The following AFAP1 variants were observed in gnomAD, a reference collection of about 807,000 sequenced individuals.
AFAP1 encodes actin filament-associated protein 1.
In AFAP1, 75 loss-of-function variants were observed where a neutral mutation model predicts 93.9. That is an observed-to-expected ratio of 0.80 (90% CI 0.66 to 0.97). The LOEUF (loss-of-function observed/expected upper bound fraction) is 0.97, where lower values mean the gene tolerates loss of function less well. Ranked by LOEUF, AFAP1 falls within the 50% of genes least tolerant of loss-of-function variation. The pLI is 0.00. For synonymous variants in AFAP1, 517 were observed against 430.7 expected, an observed-to-expected ratio of 1.20 and a Z score of -2.48; for missense variants, 1,201 against 1,050.8, an observed-to-expected ratio of 1.14 and a Z score of -1.98.
chr4:7,814,461 C>T (rs1384424229), intron 8 of AFAP1, among the ~76,000 whole-genome samples: 2 of 151,596 alleles, frequency 1.3e-5, no homozygotes, highest in African/African-American at 4.8e-5. Context: ...ACGCAAAAAC[C>T]TGTCTCTGAA....
intron 1 of AFAP1, among the ~76,000 whole-genome samples, chr4:7,884,445 A>T (rs1718029356): frequency 6.6e-6 from 1 of 152,254 alleles, no homozygotes; most frequent in African/African-American, 2.4e-5. Context: ...AAGAGAGAAT[A>T]GCCAGCCCTG....
Position 7,898,817 on chromosome 4 carries a change from G to GTGTGTA in AFAP1, c.-2-26738_-2-26737insTACACA, listed in dbSNP as rs1296666551. On this transcript the variant is annotated intron_variant, in intron 1 of 17. Coordinates refer to ENST00000420658, the MANE Select transcript of AFAP1 (RefSeq NM_001134647.2). ...TGTGCTGGGCAGTAGAAGTGTGTGTGTGTGTGTGTGTGTGTGTGTGTCTAT... is the reference window on the plus strand; with the variant it reads ...TGTGCTGGGCAGTAGAAGTGTGTGTGTGTGTATGTGTGTGTGTGTGTGTGTGTCTAT... Among the ~76,000 whole-genome samples the GTGTGTA allele has an allele frequency of 1.2e-4, 18 of 151,184 alleles. No homozygotes were observed. In the East Asian group the frequency reaches 3.5e-3, roughly 30 times the overall value.
At chr4:7,813,899 G>A (rs560706729) in intron 8 of AFAP1, among the ~76,000 whole-genome samples, 2 of 152,296 alleles carry the variant, frequency 1.3e-5, no homozygotes, top group African/African-American at 2.4e-5. Flanking sequence ...CACAGAGACA[G>A]GAAACACTTG....
intron 2 of AFAP1, among the ~76,000 whole-genome samples, chr4:7,870,704 C>G (rs757169349): frequency 2.4e-4 from 37 of 152,096 alleles, no homozygotes; most frequent in Non-Finnish European, 4.6e-4. Context: ...AATAGGGTCC[C>G]TATCCTGCTT....
chr4:7,827,192 GGAA>G (rs1483236095), intron 6 of AFAP1, among the ~76,000 whole-genome samples: 1 of 152,064 alleles, frequency 6.6e-6, no homozygotes, highest in Non-Finnish European at 1.5e-5. Context: ...GCTGAGGCAC[GGAA>G]GGAGTGAAGG....
At chr4:7,806,360 T>C (rs960345609) in intron 9 of AFAP1, among the ~76,000 whole-genome samples, 6 of 152,158 alleles carry the variant, frequency 3.9e-5, no homozygotes, top group Non-Finnish European at 8.8e-5. Context: ...TTCCCTCCCC[T>C]GCCCCCACAA....
chr4:7,913,097 A>G (rs1719859344), intron 1 of AFAP1, among the ~76,000 whole-genome samples: 1 of 152,080 alleles, frequency 6.6e-6, no homozygotes, highest in Non-Finnish European at 1.5e-5. Flanking sequence ...TCATCATCCC[A>G]CTTATATGGG....
At chr4:7,910,658 G>C (rs1200362536) in intron 1 of AFAP1, among the ~76,000 whole-genome samples, 1 of 152,184 alleles carries the variant, frequency 6.6e-6, no homozygotes, top group Admixed American at 6.5e-5. Context: ...CCGTTCACCC[G>C]TGCCACGAGC....
chr4:7,812,768 G>A lies in AFAP1; in HGVS notation c.905-3005C>T, dbSNP rs575395534. On this transcript the variant is annotated intron_variant, in intron 8 of 17. Coordinates refer to ENST00000420658, the MANE Select transcript of AFAP1 (RefSeq NM_001134647.2). ...CCCAGAGAGTTTCCCAGTAACCGAC[G>A]GAAACGGGAATTCAGGTGCTTTTTA... is the stretch of plus-strand genomic sequence containing the variant. Among the ~76,000 whole-genome samples the A allele has an allele frequency of 9.5e-4, 144 of 152,306 alleles. 1 individual carries two copies. Among genetic ancestry groups the A allele is most frequent in the African/African-American group, 3.2e-3 (135 of 41,574 alleles).
intron 1 of AFAP1, among the ~76,000 whole-genome samples, chr4:7,896,527 G>C (rs1718778071): frequency 6.6e-6 from 1 of 150,938 alleles, no homozygotes; most frequent in African/African-American, 2.4e-5. Context: ...TCAAGGCTCA[G>C]TCCTCACTCC....
At chr4:7,868,779 T>C in intron 2 of AFAP1, 60 bp from the exon 3 acceptor site, 2 of 1,398,032 alleles carry the variant, frequency 1.4e-6, no homozygotes, top group South Asian at 1.2e-5. Context: ...AGGGTACCAC[T>C]AGCATCTATC....
chr4:7,825,150 T>C (rs1055072562), intron 6 of AFAP1, among the ~76,000 whole-genome samples: 1 of 152,232 alleles, frequency 6.6e-6, no homozygotes, highest in Non-Finnish European at 1.5e-5. Context: ...TCTACCCCTT[T>C]GAAAATTCTG....
At position 7,793,811 on chromosome 4, in the gene AFAP1, C is replaced by T; in HGVS notation, c.1282G>A (p.Asp428Asn). The change falls in exon 11 of 18, where the codon GAC (aspartate) becomes AAC (asparagine). Residue 428 changes from aspartate to asparagine, a missense_variant. Physicochemically the swap from Asp to Asn is conservative, Grantham distance 23 (BLOSUM62 1). Transcript: ENST00000420658. ...VAVLEASSSE[D>N]MGRWIGILLA... ...AAAATCCCAATCCACCTGCCCATGT[C>T]TTCAGAAGAAGATGCCTGTTGAAGT... 6.5e-7 allele frequency: 1 copy of T among 1,545,106 alleles called. No individual in the cohort carries two copies. Among genetic ancestry groups the T allele is most frequent in the Non-Finnish European group, 8.8e-7 (1 of 1,130,348 alleles).
chr4:7,793,992 C>T (rs931562563), intron 10 of AFAP1, among the ~76,000 whole-genome samples, 166 bp from the exon 11 acceptor site: 2 of 152,190 alleles, frequency 1.3e-5, no homozygotes, highest in Non-Finnish European at 2.9e-5. Flanking sequence ...GTCACGTTCG[C>T]AGCAGGCCTT....
chr4:7,798,380 A>G (rs1204914039), intron 10 of AFAP1, among the ~76,000 whole-genome samples: 1 of 149,424 alleles, frequency 6.7e-6, no homozygotes, highest in African/African-American at 2.5e-5. Context: ...GGCTCACGGC[A>G]CTGCAACCCT....
At chr4:7,829,771 G>C (rs1560185164) in intron 6 of AFAP1, among the ~76,000 whole-genome samples, 1 of 152,162 alleles carries the variant, frequency 6.6e-6, no homozygotes, top group Non-Finnish European at 1.5e-5. Context: ...GTTGGTGGGA[G>C]GGAAAATTGG....
chr4:7,786,392 T>C, intron 11 of AFAP1, 81 bp from the exon 12 acceptor site: 1 of 1,184,710 alleles, frequency 8.4e-7, no homozygotes, highest in South Asian at 1.3e-5. Context: ...GAGTTCTGAC[T>C]TTATGCCCAA....
rs772828851 is a variant in AFAP1 at position 7,781,358 on chromosome 4, CAGA to C, written c.1782+15_1782+17del. On this transcript the variant is annotated intron_variant, in intron 13 of 17. Coordinates refer to ENST00000420658, the MANE Select transcript of AFAP1 (RefSeq NM_001134647.2). The stretch of plus-strand genomic sequence containing the variant: ...ACTTGAAGGTGGTTCTAGAATCTTA[CAGA>C]AGAAGATGCCGTACCTGCGAGTTGA... 62 of 1,550,176 alleles carry C rather than the reference CAGA, an allele frequency of 4.0e-5. 1 individual carries two copies. In the African/African-American group the frequency reaches 6.0e-4, roughly 15 times the overall value.
At chr4:7,810,537 C>T (rs1719919957) in intron 8 of AFAP1, among the ~76,000 whole-genome samples, 3 of 152,170 alleles carry the variant, frequency 2.0e-5, no homozygotes, top group Non-Finnish European at 4.4e-5. Context: ...CCTCAGGAGC[C>T]CCTCGGCCAT....
Sources: allele counts gnomAD v4.1 joint callset (sites outside exome capture counted in the v4.1 genomes callset), GRCh38; gene constraint gnomAD v4.1.1; transcripts MANE v1.5; gene names NCBI Gene and HGNC (gene_info 2026-07-23, HGNC 2026-07-21).